KCNIP4: variants seen among roughly 807,000 people sequenced by gnomAD.
KCNIP4 encodes Kv channel-interacting protein 4.
A neutral mutation model predicts 34.0 loss-of-function variants in KCNIP4; 12 were observed. The observed-to-expected ratio is 0.35, with a 90% CI of 0.23 to 0.57. KCNIP4 has a LOEUF of 0.57. Ranked by LOEUF, KCNIP4 falls within the 20% of genes least tolerant of loss-of-function variation. The pLI is 0.83. For missense variants in KCNIP4, 238 were observed against 311.7 expected (o/e 0.76, Z 1.78); for synonymous variants, 124 against 102.2 (o/e 1.21, Z -1.29).
chr4:21,397,139 T>A lies in KCNIP4; in HGVS notation c.62-514430A>T, dbSNP rs553007412. 3.3e-5 allele frequency among the ~76,000 whole-genome samples: 5 copies of A among 151,984 alleles called. No individual in the cohort carries two copies. In the South Asian group the frequency reaches 1.0e-3, roughly 32 times the overall value. On this transcript the variant is annotated intron_variant, in intron 1 of 8. Coordinates refer to ENST00000382152, the MANE Select transcript of KCNIP4 (RefSeq NM_025221.6). ...AAAAAGAAGAATTAAGAAGATAGAG[T>A]CACATATTCAGGCCTCATTAGAAAT...
At chr4:21,913,877 A>G (rs981120951) in intron 1 of KCNIP4, among the ~76,000 whole-genome samples, 10 of 152,130 alleles carry the variant, frequency 6.6e-5, no homozygotes, top group African/African-American at 2.4e-4. Flanking sequence ...CTGAGAAGAG[A>G]AAACACTTGA....
chr4:21,277,107 T>C (rs1256980468), intron 1 of KCNIP4, among the ~76,000 whole-genome samples: 1 of 152,218 alleles, frequency 6.6e-6, no homozygotes. Flanking sequence ...TGTGTTCATA[T>C]AGCCGTATTC....
intron 1 of KCNIP4, among the ~76,000 whole-genome samples, chr4:21,731,874 A>G (rs896813771): frequency 7.9e-5 from 12 of 152,152 alleles, no homozygotes; most frequent in Non-Finnish European, 1.3e-4. Flanking sequence ...ATGGACCTCC[A>G]CCAAAAAATC....
chr4:20,792,237 G>A (rs193117674), intron 3 of KCNIP4, among the ~76,000 whole-genome samples: 38 of 152,126 alleles, frequency 2.5e-4, no homozygotes, highest in Middle Eastern at 3.4e-3. Context: ...AGCTGAGTGT[G>A]GTGGAGGGCA....
At chr4:21,937,683 T>C (rs1729938331) in intron 1 of KCNIP4, among the ~76,000 whole-genome samples, 1 of 152,118 alleles carries the variant, frequency 6.6e-6, no homozygotes, top group Non-Finnish European at 1.5e-5. Context: ...TCCATCTCTG[T>C]ATTTCCCATC....
intron 1 of KCNIP4, among the ~76,000 whole-genome samples, chr4:21,880,113 C>T (rs985547621): frequency 6.6e-6 from 1 of 152,146 alleles, no homozygotes; most frequent in African/African-American, 2.4e-5. Flanking sequence ...TGGACTAATA[C>T]ATCTATGTAT....
chr4:21,614,001 A>T (rs929372558), intron 1 of KCNIP4, among the ~76,000 whole-genome samples: 1 of 151,674 alleles, frequency 6.6e-6, no homozygotes, highest in Non-Finnish European at 1.5e-5. Flanking sequence ...AAAAAAAAAA[A>T]TTAGCCAGGC....
At chr4:21,748,491 T>C (rs983748137) in intron 1 of KCNIP4, among the ~76,000 whole-genome samples, 1 of 152,164 alleles carries the variant, frequency 6.6e-6, no homozygotes, top group Non-Finnish European at 1.5e-5. Context: ...ATTTAGGAAA[T>C]ATGAAAACAG....
rs185002155 is a variant in KCNIP4 at position 21,467,694 on chromosome 4, G to A, written c.61+480877C>T. 9.1e-3 allele frequency among the ~76,000 whole-genome samples: 1,386 copies of A among 152,226 alleles called. 38 individuals carry two copies. The highest frequency in any genetic ancestry group is 0.064 in the Admixed American group (981 of 15,290). On this transcript the variant is annotated intron_variant, in intron 1 of 8. Transcript: ENST00000382152. ...TTTAATGATCCCAGAGTCCTGCTGC[G>A]TCAGTGTCCTGTCATATCAGCTCTG... is the stretch of plus-strand genomic sequence containing the variant.
intron 1 of KCNIP4, among the ~76,000 whole-genome samples, chr4:21,335,963 T>A (rs560951507): frequency 6.6e-6 from 1 of 152,266 alleles, no homozygotes; most frequent in African/African-American, 2.4e-5. Context: ...CTCCAATAAT[T>A]TCTGCACTTA....
chr4:20,885,209 TAGG>T (rs1186336415), intron 1 of KCNIP4, among the ~76,000 whole-genome samples: 3 of 152,118 alleles, frequency 2.0e-5, no homozygotes, highest in Non-Finnish European at 2.9e-5. Flanking sequence ...ATCACCAGGT[TAGG>T]AGGATGAGAG....
At chr4:21,542,664 G>A (rs928102573) in intron 1 of KCNIP4, among the ~76,000 whole-genome samples, 2 of 150,840 alleles carry the variant, frequency 1.3e-5, no homozygotes, top group African/African-American at 2.4e-5. Flanking sequence ...TACGTTGCAT[G>A]AAGAAGAAAG....
At chr4:21,610,992 C>T (rs535830697) in intron 1 of KCNIP4, among the ~76,000 whole-genome samples, 21 of 152,210 alleles carry the variant, frequency 1.4e-4, no homozygotes, top group African/African-American at 5.1e-4. Flanking sequence ...TGACAGGCCC[C>T]AGTGTGTGAT....
At chr4:21,313,999 T>G (rs1175669911) in intron 1 of KCNIP4, among the ~76,000 whole-genome samples, 2 of 152,178 alleles carry the variant, frequency 1.3e-5, no homozygotes, top group African/African-American at 2.4e-5. Context: ...AGATGTAGGC[T>G]CGGGCTGTGA....
chr4:21,383,465 C>T (rs1419053545), intron 1 of KCNIP4, among the ~76,000 whole-genome samples: 1 of 135,588 alleles, frequency 7.4e-6, no homozygotes, highest in Non-Finnish European at 1.5e-5. Flanking sequence ...AGAAATGTAT[C>T]TCTATGTTGA....
At chr4:21,701,372 G>A (rs1447959349) in intron 1 of KCNIP4, among the ~76,000 whole-genome samples, 3 of 152,102 alleles carry the variant, frequency 2.0e-5, no homozygotes, top group African/African-American at 2.4e-5. Flanking sequence ...TGCTAATAAC[G>A]TGTATTTCAA....
chr4:21,072,176 T>C (rs1745005944), intron 1 of KCNIP4, among the ~76,000 whole-genome samples: 1 of 152,196 alleles, frequency 6.6e-6, no homozygotes, highest in Non-Finnish European at 1.5e-5. Flanking sequence ...GATGGCTGGG[T>C]CAAATGGTAT....
At chr4:21,180,598 A>G (rs1277550252) in intron 1 of KCNIP4, among the ~76,000 whole-genome samples, 1 of 151,650 alleles carries the variant, frequency 6.6e-6, no homozygotes, top group Non-Finnish European at 1.5e-5. Context: ...ATCTGGGTTA[A>G]ACAAAGGAAG....
At chr4:21,762,789 A>C (rs1170768899) in intron 1 of KCNIP4, 2 of 499,348 alleles carry the variant, frequency 4.0e-6, no homozygotes, top group African/African-American at 2.0e-5. Context: ...ACCATCTTCC[A>C]GTCATGACTC....
Sources: allele counts gnomAD v4.1 joint callset (sites outside exome capture counted in the v4.1 genomes callset), GRCh38; gene constraint gnomAD v4.1.1; transcripts MANE v1.5; gene names NCBI Gene and HGNC (gene_info 2026-07-23, HGNC 2026-07-21).